The following USH2A variants were observed in gnomAD, a reference collection of about 807,000 sequenced individuals.
USH2A encodes Usher syndrome 2A (autosomal recessive, mild).
USH2A carries 443 observed loss-of-function variants against 538.9 expected under a neutral mutation model. That is an observed-to-expected ratio of 0.82 (90% CI 0.76 to 0.89). The LOEUF is 0.89. Among genes scored for constraint, USH2A ranks in the 40% least tolerant of loss-of-function variants. USH2A has a pLI of 0.00. For synonymous variants in USH2A, 2,413 were observed against 2,273.5 expected, an observed-to-expected ratio of 1.06 and a Z score of -1.75; for missense variants, 6,633 against 6,324.8, an observed-to-expected ratio of 1.05 and a Z score of -1.65.
At chr1:216,266,858 G>T (rs1182181686) in intron 11 of USH2A, among the ~76,000 whole-genome samples, 1 of 151,832 alleles carries the variant, frequency 6.6e-6, no homozygotes, top group African/African-American at 2.4e-5. Flanking sequence ...GGATATTTTT[G>T]AAAATAGAAC....
intron 21 of USH2A, among the ~76,000 whole-genome samples, chr1:216,141,968 A>T (rs1441085251): frequency 6.6e-6 from 1 of 151,048 alleles, no homozygotes; most frequent in Admixed American, 6.6e-5. Context: ...AAAAAAAAAA[A>T]GGTAGGATTG....
rs1016089177 is a variant in USH2A, at chr1:215,889,106, T to C, written c.7595-52A>G. On this transcript the variant is annotated intron_variant, in intron 40 of 71. Coordinates refer to ENST00000307340, the MANE Select transcript of USH2A (RefSeq NM_206933.4). ...TCAGACCTCTTGGAAATGTCCCACC[T>C]CTCCTCAAAGCTAAAATGAGTGATA... is the stretch of plus-strand genomic sequence containing the variant. The C allele has an allele frequency of 8.1e-6, 13 of 1,600,812 alleles. No homozygotes were observed. In the Admixed American group the frequency reaches 2.2e-4, roughly 27 times the overall value.
chr1:216,186,505 C>G (rs1048849856), intron 20 of USH2A, among the ~76,000 whole-genome samples: 2 of 151,912 alleles, frequency 1.3e-5, no homozygotes, highest in Non-Finnish European at 2.9e-5. Flanking sequence ...GTTCACTTCA[C>G]TCTTCCTTTC....
At chr1:215,715,715 C>T (rs1415716640) in intron 61 of USH2A, among the ~76,000 whole-genome samples, 1 of 152,312 alleles carries the variant, frequency 6.6e-6, no homozygotes, top group South Asian at 2.1e-4. Flanking sequence ...TAATGACACA[C>T]TAACAGATTG....
At chr1:215,990,414 C>T (rs754026765) in intron 35 of USH2A, among the ~76,000 whole-genome samples, 1 of 152,096 alleles carries the variant, frequency 6.6e-6, no homozygotes, top group Non-Finnish European at 1.5e-5. Context: ...AGGTAATTTC[C>T]ACAAGAAACA....
intron 21 of USH2A, among the ~76,000 whole-genome samples, chr1:216,124,604 T>C (rs1333652830): frequency 6.6e-6 from 1 of 152,096 alleles, no homozygotes. Flanking sequence ...GGCAGAAATA[T>C]AAGATCAAGA....
intron 14 of USH2A, among the ~76,000 whole-genome samples, chr1:216,223,453 T>C (rs552970370): frequency 6.6e-6 from 1 of 152,214 alleles, no homozygotes; most frequent in Non-Finnish European, 1.5e-5. Context: ...TAATTAGTTC[T>C]ACTCATCAAA....
intron 4 of USH2A, among the ~76,000 whole-genome samples, chr1:216,329,388 A>C (rs1241712617): frequency 6.6e-6 from 1 of 152,188 alleles, no homozygotes; most frequent in Non-Finnish European, 1.5e-5. Flanking sequence ...CTTAGAAGAA[A>C]GATGAGAAGA....
At chr1:216,217,669 G>C in intron 14 of USH2A, 119 bp from the exon 15 acceptor site, 1 of 1,165,798 alleles carries the variant, frequency 8.6e-7, no homozygotes, top group East Asian at 2.6e-5. Flanking sequence ...CCAATATATT[G>C]AAAAGAATGC....
At chr1:216,143,419 G>A (rs1243585727) in intron 21 of USH2A, among the ~76,000 whole-genome samples, 2 of 151,962 alleles carry the variant, frequency 1.3e-5, no homozygotes, top group East Asian at 3.9e-4. Context: ...TAACTATTAG[G>A]TGATTAATAA....
intron 38 of USH2A, among the ~76,000 whole-genome samples, chr1:215,932,089 T>C (rs1186201366): frequency 6.6e-6 from 1 of 151,986 alleles, no homozygotes; most frequent in South Asian, 2.1e-4. Flanking sequence ...AAAAGAAGCA[T>C]AGCTAAGGAT....
intron 21 of USH2A, among the ~76,000 whole-genome samples, chr1:216,121,440 G>C (rs2102594768): frequency 6.6e-6 from 1 of 151,850 alleles, no homozygotes; most frequent in East Asian, 1.9e-4. Flanking sequence ...TTTGATACCT[G>C]TTTTTATTTT....
chr1:216,404,284 A>G (rs1462874943), intron 3 of USH2A, among the ~76,000 whole-genome samples: 1 of 152,190 alleles, frequency 6.6e-6, no homozygotes, highest in Non-Finnish European at 1.5e-5. Context: ...TTTTGAAAAC[A>G]TCAACAAGCT....
chr1:216,179,964 G>GA, intron 20 of USH2A, among the ~76,000 whole-genome samples: 1 of 152,006 alleles, frequency 6.6e-6, no homozygotes, highest in East Asian at 1.9e-4. Context: ...TGTGATCTTA[G>GA]AAAAATCCCT....
intron 32 of USH2A, among the ~76,000 whole-genome samples, chr1:216,040,562 C>T (rs949096865): frequency 6.6e-6 from 1 of 151,948 alleles, no homozygotes; most frequent in Admixed American, 6.6e-5. Flanking sequence ...GTAGGGTGCT[C>T]GTTTAAAATA....
chr1:216,403,722 G>A (rs2102763637), intron 3 of USH2A, among the ~76,000 whole-genome samples: 1 of 152,226 alleles, frequency 6.6e-6, no homozygotes, highest in South Asian at 2.1e-4. Flanking sequence ...CAAAACAGGT[G>A]CAGGATGTAT....
intron 3 of USH2A, among the ~76,000 whole-genome samples, chr1:216,391,194 G>A (rs1202665032): frequency 2.6e-5 from 4 of 152,124 alleles, no homozygotes; most frequent in African/African-American, 9.7e-5. Context: ...AATTGCTTTG[G>A]TCTTATTGAC....
intron 52 of USH2A, among the ~76,000 whole-genome samples, chr1:215,785,235 C>T (rs1431703215): frequency 6.6e-6 from 1 of 152,096 alleles, no homozygotes; most frequent in Non-Finnish European, 1.5e-5. Context: ...GAACAATGTG[C>T]CATAGCAGCA....
In USH2A at chr1:216,141,477, G is replaced by A. The variant is rs369505165; in HGVS notation, c.4627+33775C>T. Among the ~76,000 whole-genome samples the A allele has an allele frequency of 8.5e-5, 13 of 152,238 alleles. 1 individual carries two copies. The highest frequency in any genetic ancestry group is 3.3e-4 in the Admixed American group (5 of 15,284). On this transcript the variant is annotated intron_variant, in intron 21 of 71. Transcript: ENST00000307340. ...GCCTTTCCATTTAGGCTGCCTCCTG[G>A]ATTACTTTACACAATTTGTGTGCAT...
Sources: allele counts gnomAD v4.1 joint callset (sites outside exome capture counted in the v4.1 genomes callset), GRCh38; gene constraint gnomAD v4.1.1; transcripts MANE v1.5; gene names NCBI Gene and HGNC (gene_info 2026-07-23, HGNC 2026-07-21).